The following XRCC4 variants were observed in gnomAD, a reference collection of about 807,000 sequenced individuals.
XRCC4 encodes the protein DNA repair protein XRCC4.
A neutral mutation model predicts 39.1 loss-of-function variants in XRCC4; 28 were observed. The ratio of observed to expected loss-of-function variants is 0.72; its 90% CI spans 0.53 to 0.98. The LOEUF is 0.98. Ranked by LOEUF, XRCC4 falls within the 50% of genes least tolerant of loss-of-function variation. XRCC4 has a pLI of 0.00. For synonymous variants in XRCC4, 123 were observed against 126.4 expected, an observed-to-expected ratio of 0.97 and a Z score of 0.18; for missense variants, 350 against 376.4, an observed-to-expected ratio of 0.93 and a Z score of 0.58.
chr5:83,277,726 T>A (rs1754384437), intron 7 of XRCC4, among the ~76,000 whole-genome samples: 1 of 152,214 alleles, frequency 6.6e-6, no homozygotes, highest in Non-Finnish European at 1.5e-5. Flanking sequence ...TAAACCATTG[T>A]TTAGCTACCT....
Position 83,133,861 on chromosome 5 carries a change from C to A in XRCC4, c.315+22658C>A, listed in dbSNP as rs78974045. Among the ~76,000 whole-genome samples, 497 of 152,314 alleles carry A rather than the reference C, an allele frequency of 3.3e-3. 5 individuals carry two copies. The highest frequency in any genetic ancestry group is 0.014 in the South Asian group (67 of 4,828). On this transcript the variant is annotated intron_variant, in intron 3 of 7. Transcript: ENST00000396027. ...GTCTGCTCTGGCTGCACTTGAGGAGCCCTTCAGGCCACCACTGCATATGAG... is the reference window on the plus strand; with the variant it reads ...GTCTGCTCTGGCTGCACTTGAGGAGACCTTCAGGCCACCACTGCATATGAG...
rs1043491822 is a variant in XRCC4, at chr5:83,080,413, C to T, written c.-11+2798C>T. 2.6e-5 allele frequency among the ~76,000 whole-genome samples: 4 copies of T among 151,816 alleles called. No homozygotes were observed. In the East Asian group the frequency reaches 5.8e-4, roughly 22 times the overall value. On this transcript the variant is annotated intron_variant, in intron 1 of 7. Coordinates refer to ENST00000396027, the MANE Select transcript of XRCC4 (RefSeq NM_003401.5). The stretch of plus-strand genomic sequence containing the variant: ...TGGTGGCATGTGCCTGTAGTCCCAG[C>T]TAGTCAGGAGGCTGAGGCAGGAGAA...
chr5:83,228,228 CA>C (rs1214844509), intron 6 of XRCC4, among the ~76,000 whole-genome samples: 40 of 152,040 alleles, frequency 2.6e-4, no homozygotes, highest in African/African-American at 8.9e-4. Flanking sequence ...TAACATATAA[CA>C]ATCTTTACAA....
At chr5:83,147,018 AATT>A in intron 3 of XRCC4, among the ~76,000 whole-genome samples, 1 of 152,210 alleles carries the variant, frequency 6.6e-6, no homozygotes, top group Non-Finnish European at 1.5e-5. Context: ...CCTGACTTTT[AATT>A]CTGGCCACAA....
intron 7 of XRCC4, among the ~76,000 whole-genome samples, chr5:83,306,022 A>G (rs1003237096): frequency 1.4e-4 from 22 of 152,164 alleles, no homozygotes; most frequent in African/African-American, 5.1e-4. Flanking sequence ...ATATTTTGCA[A>G]TAGTTTTTAG....
At chr5:83,314,092 A>G (rs1161130091) in intron 7 of XRCC4, among the ~76,000 whole-genome samples, 1 of 152,010 alleles carries the variant, frequency 6.6e-6, no homozygotes, top group Non-Finnish European at 1.5e-5. Flanking sequence ...TCATTCTCAG[A>G]TATATCCTAG....
chr5:83,245,303 CAA>C (rs1272870218), intron 6 of XRCC4, among the ~76,000 whole-genome samples: 2 of 151,314 alleles, frequency 1.3e-5, no homozygotes, highest in African/African-American at 2.4e-5. Flanking sequence ...ATTACCGAAA[CAA>C]GAGATTTTGA....
intron 6 of XRCC4, among the ~76,000 whole-genome samples, chr5:83,255,201 G>A (rs1297711683): frequency 6.6e-6 from 1 of 152,130 alleles, no homozygotes; most frequent in African/African-American, 2.4e-5. Flanking sequence ...AGGGTGGAGA[G>A]AGAAGGATAG....
At chr5:83,193,279 A>C (rs751226865) in intron 3 of XRCC4, among the ~76,000 whole-genome samples, 12 of 152,210 alleles carry the variant, frequency 7.9e-5, no homozygotes, top group Non-Finnish European at 1.8e-4. Flanking sequence ...GAATTAAAAA[A>C]AAAAATTAAT....
At chr5:83,113,986 T>G (rs1355968604) in intron 3 of XRCC4, among the ~76,000 whole-genome samples, 2 of 152,216 alleles carry the variant, frequency 1.3e-5, no homozygotes, top group African/African-American at 4.8e-5. Flanking sequence ...AATTCTTGGC[T>G]TCTGTGCACT....
At chr5:83,218,933 G>A (rs970138937) in intron 6 of XRCC4, among the ~76,000 whole-genome samples, 2 of 137,688 alleles carry the variant, frequency 1.5e-5, no homozygotes, top group Admixed American at 1.3e-4. Context: ...GGCTGCTGCT[G>A]TAACAAAGTA....
chr5:83,364,200 A>G, the XRCC4 span, among the ~76,000 whole-genome samples: 2 of 152,198 alleles, frequency 1.3e-5, no homozygotes, highest in African/African-American at 4.8e-5. Flanking sequence ...CCAAGAACAA[A>G]GTGGCAGAAA....
chr5:83,260,627 T>G (rs764307318), intron 7 of XRCC4, among the ~76,000 whole-genome samples: 1 of 152,118 alleles, frequency 6.6e-6, no homozygotes, highest in African/African-American at 2.4e-5. Context: ...ATATGCATGA[T>G]ACAGAGATGA....
At chr5:83,152,206 G>T (rs1164217840) in intron 3 of XRCC4, among the ~76,000 whole-genome samples, 2 of 152,224 alleles carry the variant, frequency 1.3e-5, no homozygotes, top group East Asian at 3.8e-4. Context: ...ATTGATGTCT[G>T]ATTAGTCAAA....
intron 6 of XRCC4, among the ~76,000 whole-genome samples, chr5:83,213,159 T>C (rs1751721523): frequency 6.6e-6 from 1 of 151,996 alleles, no homozygotes; most frequent in South Asian, 2.1e-4. Flanking sequence ...CAGCAAAGTA[T>C]CTTTCAAAAT....
intron 6 of XRCC4, among the ~76,000 whole-genome samples, chr5:83,241,754 A>G (rs1332764870): frequency 1.3e-5 from 2 of 152,232 alleles, no homozygotes; most frequent in Non-Finnish European, 2.9e-5. Flanking sequence ...ACAGTCATTT[A>G]ACACATATTT....
At chr5:83,134,845 T>C (rs890176846) in intron 3 of XRCC4, among the ~76,000 whole-genome samples, 4 of 151,956 alleles carry the variant, frequency 2.6e-5, no homozygotes, top group Admixed American at 1.3e-4. Flanking sequence ...CCATGAACCC[T>C]CTGGGCAGAA....
intron 7 of XRCC4, among the ~76,000 whole-genome samples, chr5:83,320,141 G>A (rs375534022): frequency 0.033 from 4,597 of 137,610 alleles, 131 homozygotes; most frequent in East Asian, 0.14. Flanking sequence ...CTCACTCATA[G>A]GTGGGAATTG....
rs113250686 is a variant in XRCC4 at position 83,264,791 on chromosome 5, T to C, written c.893+6114T>C. On this transcript the variant is annotated intron_variant, in intron 7 of 7. Coordinates refer to ENST00000396027, the MANE Select transcript of XRCC4 (RefSeq NM_003401.5). Reference sequence around the variant, plus strand: ...TAATATGGGAGGAAAATAATATCTTTGGAAGACTATGTTTTAAAAGCAGTT... The same window carrying C: ...TAATATGGGAGGAAAATAATATCTTCGGAAGACTATGTTTTAAAAGCAGTT... Among the ~76,000 whole-genome samples the C allele has an allele frequency of 4.6e-3, 695 of 152,272 alleles. 2 individuals carry two copies. The highest frequency in any genetic ancestry group is 0.016 in the African/African-American group (664 of 41,558).
Sources: allele counts gnomAD v4.1 joint callset (sites outside exome capture counted in the v4.1 genomes callset), GRCh38; gene constraint gnomAD v4.1.1; transcripts MANE v1.5; gene names NCBI Gene and HGNC (gene_info 2026-07-23, HGNC 2026-07-21).